POPDC1: variants seen among roughly 807,000 people sequenced by gnomAD.
The protein encoded by POPDC1 is popeye domain cAMP effector 1, also known as popeye domain-containing protein 1.
At chr6:105,134,705 C>T in the POPDC1 span, among the ~76,000 whole-genome samples, 1 of 152,102 alleles carries the variant, frequency 6.6e-6, no homozygotes, top group Non-Finnish European at 1.5e-5. Context: ...AAGAATTCCA[C>T]AGCTTAAAGA....
At chr6:105,122,008 G>A in the POPDC1 span, among the ~76,000 whole-genome samples, 1 of 152,206 alleles carries the variant, frequency 6.6e-6, no homozygotes, top group South Asian at 2.1e-4. Context: ...ACTGACACAG[G>A]TAGTGAGAAG....
the POPDC1 span, among the ~76,000 whole-genome samples, chr6:105,130,685 A>C: frequency 6.6e-6 from 1 of 152,200 alleles, no homozygotes; most frequent in Non-Finnish European, 1.5e-5. Context: ...TATAGGGTAT[A>C]AACCAATAAA....
At chr6:105,100,582 G>GTA in the POPDC1 span, 12 of 133,816 alleles carry the variant, frequency 9.0e-5, no homozygotes, top group African/African-American at 3.9e-4. Context: ...ATGTATGTAT[G>GTA]TGTGTGTGTG....
At chr6:105,124,659 A>G in the POPDC1 span, 8 of 1,555,346 alleles carry the variant, frequency 5.1e-6, no homozygotes, top group Non-Finnish European at 7.1e-6. Context: ...CTTCATTCTG[A>G]TAACAGAAAT....
At chr6:105,101,237 A>G in the POPDC1 span, 14 of 1,591,256 alleles carry the variant, frequency 8.8e-6, no homozygotes, top group Non-Finnish European at 9.4e-6. Context: ...CAGGAGGGAA[A>G]ACCACTGAAT....
the POPDC1 span, among the ~76,000 whole-genome samples, chr6:105,125,751 T>C: frequency 6.6e-6 from 1 of 152,192 alleles, no homozygotes; most frequent in Non-Finnish European, 1.5e-5. Flanking sequence ...GATAGAAGTT[T>C]ATACTTCAGA....
chr6:105,100,572 ATGTATGTATGTGTGTGTG>A, the POPDC1 span: 1 of 130,002 alleles, frequency 7.7e-6, no homozygotes, highest in South Asian at 2.2e-4. Context: ...ATATATATGT[ATGTATGTATGTGTGTGTG>A]TGTGTGTGTG....
At chr6:105,133,837 A>G in the POPDC1 span, among the ~76,000 whole-genome samples, 1 of 152,188 alleles carries the variant, frequency 6.6e-6, no homozygotes, top group African/African-American at 2.4e-5. Context: ...TAAAATACTT[A>G]GCATAGTGCA....
At chr6:105,100,980 G>GT in the POPDC1 span, 1 of 1,332,742 alleles carries the variant, frequency 7.5e-7, no homozygotes, top group African/African-American at 1.5e-5. Context: ...GACTCCACCA[G>GT]TCTGGATGCA....
chr6:105,116,446 C>T, the POPDC1 span, among the ~76,000 whole-genome samples: 4 of 152,158 alleles, frequency 2.6e-5, no homozygotes, highest in South Asian at 6.2e-4. Flanking sequence ...TACTCCTTTA[C>T]CATCTTCCTT....
the POPDC1 span, among the ~76,000 whole-genome samples, chr6:105,111,470 C>G: frequency 6.6e-6 from 1 of 152,238 alleles, no homozygotes; most frequent in Admixed American, 6.5e-5. Context: ...TACACTGGCA[C>G]TAAAGCGTTC....
At chr6:105,109,359 T>C in the POPDC1 span, among the ~76,000 whole-genome samples, 1 of 152,056 alleles carries the variant, frequency 6.6e-6, no homozygotes, top group Non-Finnish European at 1.5e-5. Context: ...GAACAAAAAC[T>C]AGTGACTTCA....
the POPDC1 span, among the ~76,000 whole-genome samples, chr6:105,115,169 C>G: frequency 2.6e-5 from 4 of 152,238 alleles, no homozygotes; most frequent in African/African-American, 9.6e-5. Flanking sequence ...TCACTGCAAG[C>G]TCCGCCTCCC....
chr6:105,111,689 G>C, the POPDC1 span, among the ~76,000 whole-genome samples: 1 of 152,204 alleles, frequency 6.6e-6, no homozygotes, highest in African/African-American at 2.4e-5. Flanking sequence ...TGGGAATACA[G>C]AATCTATGTG....
the POPDC1 span, chr6:105,101,216 GT>G: frequency 6.2e-7 from 1 of 1,606,590 alleles, no homozygotes; most frequent in Non-Finnish European, 8.5e-7. Flanking sequence ...TGACACATCT[GT>G]GGAAAGATAC....
the POPDC1 span, among the ~76,000 whole-genome samples, chr6:105,106,978 T>G: frequency 6.6e-6 from 1 of 152,210 alleles, no homozygotes; most frequent in South Asian, 2.1e-4. Flanking sequence ...TTTTAGTTAT[T>G]TTAAAAATGT....
the POPDC1 span, among the ~76,000 whole-genome samples, chr6:105,124,015 G>A: frequency 6.6e-6 from 1 of 152,078 alleles, no homozygotes; most frequent in Admixed American, 6.5e-5. Flanking sequence ...AATTCAAAAA[G>A]CAAACACAGT....
At chr6:105,098,390 T>C in the POPDC1 span, 1 of 152,226 alleles carries the variant, frequency 6.6e-6, no homozygotes, top group Non-Finnish European at 1.5e-5. Flanking sequence ...TCTTTTAAGA[T>C]TCCTAATCTT....
the POPDC1 span, among the ~76,000 whole-genome samples, chr6:105,135,427 A>T: frequency 6.6e-6 from 1 of 152,198 alleles, no homozygotes; most frequent in Non-Finnish European, 1.5e-5. Flanking sequence ...TCCTTGGAAT[A>T]GGGAAAACTT....
Sources: allele counts gnomAD v4.1 joint callset (sites outside exome capture counted in the v4.1 genomes callset), GRCh38; gene constraint gnomAD v4.1.1; transcripts MANE v1.5; gene names NCBI Gene and HGNC (gene_info 2026-07-23, HGNC 2026-07-21).